The following NFX1 variants were observed in gnomAD, a reference collection of about 807,000 sequenced individuals.
NFX1 encodes transcriptional repressor NF-X1.
Under a neutral mutation model 137.2 loss-of-function variants are expected in NFX1, and 69 were observed. The ratio of observed to expected loss-of-function variants is 0.50; its 90% confidence interval spans 0.41 to 0.61. The LOEUF (loss-of-function observed/expected upper bound fraction) is 0.61. Ranked by LOEUF, NFX1 falls within the 20% of genes least tolerant of loss-of-function variation. The probability of loss-of-function intolerance (pLI) is 0.00; values close to 1 mark genes in which losing one functional copy is unlikely to be tolerated. For missense variants in NFX1, 1,167 were observed against 1,391.0 expected, an observed-to-expected ratio of 0.84 and a Z score of 2.56; for synonymous variants, 495 against 474.1, an observed-to-expected ratio of 1.04 and a Z score of -0.57.
intron 5 of NFX1, 149 bp from the exon 6 acceptor site, chr9:33,310,957 C>A: frequency 1.6e-6 from 1 of 629,446 alleles, no homozygotes; most frequent in East Asian, 2.8e-5. Flanking sequence ...TATCTTTGTT[C>A]AAATAGTTTA....
intron 22 of NFX1, among the ~76,000 whole-genome samples, 162 bp from the exon 23 acceptor site, chr9:33,367,352 CA>C (rs1824197950): frequency 6.6e-6 from 1 of 152,156 alleles, no homozygotes; most frequent in African/African-American, 2.4e-5. Context: ...GTGGAAGGGA[CA>C]GGGGGTTAAA....
chr9:33,322,045 A>G (rs1381974754), intron 9 of NFX1, among the ~76,000 whole-genome samples: 2 of 151,346 alleles, frequency 1.3e-5, no homozygotes, highest in Non-Finnish European at 2.9e-5. Flanking sequence ...TACTAAAAAT[A>G]CAAAAATTAG....
intron 4 of NFX1, among the ~76,000 whole-genome samples, chr9:33,305,079 A>G (rs1821704830): frequency 6.6e-6 from 1 of 152,222 alleles, no homozygotes; most frequent in African/African-American, 2.4e-5. Flanking sequence ...CATTAATTTA[A>G]CATGTTTTTA....
intron 7 of NFX1, among the ~76,000 whole-genome samples, chr9:33,316,307 A>C (rs1332770072): frequency 6.7e-6 from 1 of 149,718 alleles, no homozygotes; most frequent in South Asian, 2.1e-4. Context: ...GGTACTTACC[A>C]AGCCTTTTTT....
chr9:33,330,994 G>A (rs559507191), intron 10 of NFX1, among the ~76,000 whole-genome samples: 1 of 152,028 alleles, frequency 6.6e-6, no homozygotes, highest in South Asian at 2.1e-4. Context: ...GTGAAACCCC[G>A]TCTCTACTAA....
In NFX1 at chr9:33,294,916, T is replaced by C. The variant is rs767045851; in HGVS notation, c.522T>C (p.Phe174=). 3.1e-6 allele frequency: 5 copies of C among 1,614,070 alleles called. No individual in the cohort carries two copies. The Admixed American group carries it at 8.3e-5, about 27-fold the overall frequency. The change falls in exon 2 of 24, where the codon TTT becomes TTC. Residue 174 remains phenylalanine (F), a synonymous_variant. Coordinates refer to ENST00000379540, the MANE Select transcript of NFX1 (RefSeq NM_002504.6). ...CAAAACCCAAAAAAGCAACACAGTT[T>C]GTATACAGCTATGGTAGAGGACCAA... is the stretch of plus-strand genomic sequence containing the variant. ...RGAKPKKATQ[F]VYSYGRGPKV...
At chr9:33,315,824 G>A (rs1448903261) in intron 7 of NFX1, among the ~76,000 whole-genome samples, 3 of 151,766 alleles carry the variant, frequency 2.0e-5, no homozygotes, top group East Asian at 1.9e-4. Context: ...CCCAGGAGGC[G>A]GAGGTTGCAG....
Position 33,307,219 on chromosome 9 carries a change from C to T in NFX1, c.1296C>T (p.Ser432=). The change falls in exon 5 of 24, where the codon AGC becomes AGT. Residue 432 remains serine (S), a synonymous_variant. Coordinates refer to ENST00000379540, the MANE Select transcript of NFX1 (RefSeq NM_002504.6). ...FCGKVKNPEW[S]RNEIPHSCGE... ...GCAAGGTAAAGAATCCTGAGTGGAG[C>T]AGAAATGAAATTCCACATAGCTGTG... 1 of 1,614,028 alleles carries T rather than the reference C, an allele frequency of 6.2e-7. No homozygotes were observed. The highest frequency in any genetic ancestry group is 8.5e-7 in the Non-Finnish European group (1 of 1,179,940).
chr9:33,318,602 G>C, intron 7 of NFX1, 129 bp from the exon 8 acceptor site: 2 of 784,254 alleles, frequency 2.6e-6, no homozygotes, highest in Non-Finnish European at 4.3e-6. Context: ...TACTCTATTT[G>C]GCCTCCCAGA....
At chr9:33,352,190 A>G (rs931425167) in intron 16 of NFX1, among the ~76,000 whole-genome samples, 1 of 152,232 alleles carries the variant, frequency 6.6e-6, no homozygotes, top group African/African-American at 2.4e-5. Context: ...TATTACTTAG[A>G]TAACTAATTA....
At chr9:33,330,682 CTA>C (rs909783334) in intron 10 of NFX1, among the ~76,000 whole-genome samples, 1 of 152,178 alleles carries the variant, frequency 6.6e-6, no homozygotes, top group Non-Finnish European at 1.5e-5. Context: ...ATCCCTCTTT[CTA>C]TCTCTACGTT....
chr9:33,338,183 T>C (rs1194076898), intron 11 of NFX1, among the ~76,000 whole-genome samples: 1 of 151,876 alleles, frequency 6.6e-6, no homozygotes, highest in Non-Finnish European at 1.5e-5. Flanking sequence ...GGTGAAACCC[T>C]GCCTCTACTA....
At chr9:33,335,617 G>C (rs547360536) in intron 11 of NFX1, among the ~76,000 whole-genome samples, 5 of 152,128 alleles carry the variant, frequency 3.3e-5, no homozygotes, top group African/African-American at 1.2e-4. Flanking sequence ...GGTCTCAAGT[G>C]ATCCTCCCAT....
chr9:33,295,221 A>G lies in NFX1; in HGVS notation c.827A>G (p.Asn276Ser), dbSNP rs887075946. ...CGACATACAAACGCAGGACACAGAA[A>G]CAACATGGGCCCCATTCCAAAGGAT... ...GHRHTNAGHR[N>S]NMGPIPKDDL... The change falls in exon 2 of 24, where the codon AAC (asparagine) becomes AGC (serine). Residue 276 changes from asparagine (N) to serine (S), a missense_variant. Coordinates refer to ENST00000379540, the MANE Select transcript of NFX1 (RefSeq NM_002504.6). 1.9e-6 allele frequency: 3 copies of G among 1,614,062 alleles called. No individual in the cohort carries two copies. The African/African-American group carries it at 4.0e-5, about 22-fold the overall frequency.
At chr9:33,307,749 G>C (rs1047057806) in intron 5 of NFX1, among the ~76,000 whole-genome samples, 2 of 150,840 alleles carry the variant, frequency 1.3e-5, no homozygotes, top group East Asian at 1.9e-4. Context: ...CGGTCGGACA[G>C]TATTTCCAAG....
chr9:33,309,622 A>G (rs1821891288), intron 5 of NFX1, among the ~76,000 whole-genome samples: 1 of 152,074 alleles, frequency 6.6e-6, no homozygotes, highest in Non-Finnish European at 1.5e-5. Flanking sequence ...TCTCATTTAC[A>G]CTTGTTAGGA....
At chr9:33,334,547 T>A (rs1246697096) in intron 11 of NFX1, among the ~76,000 whole-genome samples, 1 of 152,150 alleles carries the variant, frequency 6.6e-6, no homozygotes, top group African/African-American at 2.4e-5. Flanking sequence ...AAGTGAAAGA[T>A]GAAAATTTGC....
intron 18 of NFX1, among the ~76,000 whole-genome samples, chr9:33,354,576 C>G (rs984476330): frequency 1.3e-5 from 2 of 152,152 alleles, no homozygotes; most frequent in South Asian, 4.1e-4. Flanking sequence ...ACTCCTAGAC[C>G]CCATAACAGA....
intron 23 of NFX1, among the ~76,000 whole-genome samples, chr9:33,368,235 T>C (rs544393035): frequency 6.6e-6 from 1 of 151,002 alleles, no homozygotes; most frequent in East Asian, 2.0e-4. Flanking sequence ...AGACTCCATC[T>C]CAAAAAAAAA....
Sources: allele counts gnomAD v4.1 joint callset (sites outside exome capture counted in the v4.1 genomes callset), GRCh38; gene constraint gnomAD v4.1.1; transcripts MANE v1.5; gene names NCBI Gene and HGNC (gene_info 2026-07-23, HGNC 2026-07-21).